Variants in L3HYPDH observed in about 807,000 individuals in gnomAD.
L3HYPDH encodes trans-L-3-hydroxyproline dehydratase.
In L3HYPDH, 32 loss-of-function variants were observed where a neutral mutation model predicts 26.5. That is an observed-to-expected ratio of 1.21 (90% CI 0.91 to 1.62). The LOEUF is 1.62. Among genes scored for constraint, L3HYPDH ranks in the 40% most tolerant of loss-of-function variants. The pLI is 0.00. For synonymous variants in L3HYPDH, 215 were observed against 196.6 expected (o/e 1.09, Z -0.78); for missense variants, 554 against 476.4 (o/e 1.16, Z -1.52).
At chr14:59,475,438 A>G (rs1889563067) in intron 4 of L3HYPDH, among the ~76,000 whole-genome samples, 1 of 151,772 alleles carries the variant, frequency 6.6e-6, no homozygotes, top group African/African-American at 2.4e-5. Flanking sequence ...TTGCCAAAAC[A>G]AAAAAAATTA....
At chr14:59,466,870 C>T (rs1889197748) in intron 1 of L3HYPDH, among the ~76,000 whole-genome samples, 1 of 152,160 alleles carries the variant, frequency 6.6e-6, no homozygotes. Flanking sequence ...ATGCCAGTAG[C>T]ACCTCTCCCA....
chr14:59,475,130 T>C (rs1202421900), intron 4 of L3HYPDH: 1 of 152,158 alleles, frequency 6.6e-6, no homozygotes, highest in African/African-American at 2.4e-5. Context: ...ATTACAAAAA[T>C]TTGATGTTCC....
upstream of L3HYPDH, chr14:59,487,757 T>C: frequency 1.9e-6 from 3 of 1,613,362 alleles, no homozygotes; most frequent in Non-Finnish European, 2.5e-6. Context: ...ATTGGCTCTA[T>C]CTTGGATTTA....
chr14:59,491,681 A>G, the L3HYPDH span, among the ~76,000 whole-genome samples: 2 of 152,236 alleles, frequency 1.3e-5, no homozygotes, highest in Non-Finnish European at 2.9e-5. Flanking sequence ...ACTATGTGAG[A>G]CATTGCTGGT....
At chr14:59,498,730 T>C in the L3HYPDH span, 3,233 of 1,463,948 alleles carry the variant, frequency 2.2e-3, 50 homozygotes, top group African/African-American at 0.041. Context: ...TTTACAGATA[T>C]ACCATTGTAT....
the L3HYPDH span, among the ~76,000 whole-genome samples, chr14:59,496,205 C>G: frequency 6.6e-6 from 1 of 151,920 alleles, no homozygotes; most frequent in Non-Finnish European, 1.5e-5. Context: ...TGTGCCCGGC[C>G]TCTCCCTGCC....
the L3HYPDH span, among the ~76,000 whole-genome samples, chr14:59,489,732 TG>T: frequency 6.6e-6 from 1 of 152,190 alleles, no homozygotes; most frequent in South Asian, 2.1e-4. Context: ...CCCATGGTTT[TG>T]CAGGCTGTAC....
chr14:59,495,214 G>A, the L3HYPDH span: 10 of 1,604,476 alleles, frequency 6.2e-6, no homozygotes, highest in East Asian at 4.5e-5. Context: ...TCATGAAGCC[G>A]TCTACCCACT....
chr14:59,503,888 T>C, the L3HYPDH span: 1 of 1,612,810 alleles, frequency 6.2e-7, no homozygotes. Flanking sequence ...AAGAAAAGAC[T>C]TATTGTTCTC....
At chr14:59,466,052 T>A (rs193120287) in intron 1 of L3HYPDH, among the ~76,000 whole-genome samples, 1 of 152,276 alleles carries the variant, frequency 6.6e-6, no homozygotes, top group African/African-American at 2.4e-5. Context: ...GGCCCATGAC[T>A]CTAAACCCCG....
At chr14:59,485,093 C>T, upstream of L3HYPDH, 1 of 1,598,360 alleles carries the variant, frequency 6.3e-7, no homozygotes, top group South Asian at 1.1e-5. Flanking sequence ...ATTCAACAGT[C>T]GCTTGGAGCC....
intron 1 of L3HYPDH, among the ~76,000 whole-genome samples, chr14:59,465,621 C>T (rs889055991): frequency 5.3e-5 from 8 of 152,150 alleles, no homozygotes; most frequent in African/African-American, 1.4e-4. Flanking sequence ...CACTCTTGCT[C>T]TCTTTTGTAG....
At chr14:59,481,163 C>A (rs1246703585) in intron 1 of L3HYPDH, among the ~76,000 whole-genome samples, 1 of 152,158 alleles carries the variant, frequency 6.6e-6, no homozygotes, top group Non-Finnish European at 1.5e-5. Context: ...TTTCAGTTTC[C>A]TTTTCTTTAA....
upstream of L3HYPDH, among the ~76,000 whole-genome samples, chr14:59,486,226 T>C (rs890268072): frequency 5.9e-5 from 9 of 152,226 alleles, 1 homozygote; most frequent in African/African-American, 1.9e-4. Context: ...ACCTCTGTTA[T>C]GAAATTATGT....
chr14:59,500,471 A>G, the L3HYPDH span, among the ~76,000 whole-genome samples: 2 of 152,212 alleles, frequency 1.3e-5, no homozygotes, highest in Admixed American at 1.3e-4. Flanking sequence ...TTTAGAGGAA[A>G]AAATTTGCTT....
chr14:59,493,753 G>C, the L3HYPDH span, among the ~76,000 whole-genome samples: 24 of 152,098 alleles, frequency 1.6e-4, no homozygotes, highest in Non-Finnish European at 3.1e-4. Context: ...ATATGGAAGA[G>C]CAAAGGGCCA....
the L3HYPDH span, chr14:59,498,760 C>T: frequency 1.4e-5 from 22 of 1,588,562 alleles, no homozygotes; most frequent in Non-Finnish European, 1.8e-5. Context: ...ACGCATTCTG[C>T]TTGGTATTAA....
Position 59,484,021 on chromosome 14 carries a change from C to T in L3HYPDH, c.296G>A (p.Gly99Asp). The change falls in exon 1 of 5, where the codon GGC (glycine) becomes GAC (aspartate). Residue 99 changes from glycine to aspartate, a missense_variant. Gly to Asp is a moderately conservative substitution (Grantham distance 94, BLOSUM62 -1). Coordinates refer to ENST00000247194, the MANE Select transcript of L3HYPDH (RefSeq NM_144581.2). ...TGCGTGGCCGCACATGGAGCTGTAG[C>T]CCTCGTTGTGCAGGAACAGGACGCC... ...HLGVLFLHNE[G>D]YSSMCGHAVL... The T allele has an allele frequency of 6.2e-7, 1 of 1,603,702 alleles. No homozygotes were observed. Among genetic ancestry groups the T allele is most frequent in the Non-Finnish European group, 8.5e-7 (1 of 1,178,840 alleles).
chr14:59,481,727 A>C (rs911388148), intron 1 of L3HYPDH, among the ~76,000 whole-genome samples: 1 of 150,266 alleles, frequency 6.7e-6, no homozygotes, highest in African/African-American at 2.5e-5. Context: ...TACACTAAGC[A>C]CTATTCTAGA....
Sources: gnomAD v4.1 joint callset for allele counts (sites outside exome capture counted in the v4.1 genomes callset) on GRCh38, gnomAD v4.1.1 for gene constraint, MANE v1.5 for transcripts, NCBI Gene and HGNC (gene_info 2026-07-23, HGNC 2026-07-21) for gene names.